Variants in DLGAP2 observed in about 807,000 individuals in gnomAD.
DLGAP2 encodes disks large-associated protein 2.
In DLGAP2, 26 loss-of-function variants were observed where a neutral mutation model predicts 100.3. The ratio of observed to expected loss-of-function variants is 0.26; its 90% CI spans 0.19 to 0.36. DLGAP2 has a LOEUF of 0.36. DLGAP2 is among the 10% of genes least tolerant of loss of function. The pLI is 1.00. For synonymous variants in DLGAP2, 886 were observed against 630.1 expected (o/e 1.41, Z -6.08); for missense variants, 1,858 against 1,453.2 (o/e 1.28, Z -4.53).
chr8:1,305,474 G>A (rs1047913441), intron 3 of DLGAP2, among the ~76,000 whole-genome samples: 1 of 152,148 alleles, frequency 6.6e-6, no homozygotes, highest in Non-Finnish European at 1.5e-5. Context: ...TGTCTGTAAG[G>A]TCTTTATTCA....
intron 4 of DLGAP2, among the ~76,000 whole-genome samples, chr8:1,505,988 A>G (rs1338613490): frequency 6.6e-6 from 1 of 152,242 alleles, no homozygotes; most frequent in African/African-American, 2.4e-5. Context: ...CATATTATAT[A>G]TGCAGCACAA....
intron 1 of DLGAP2, among the ~76,000 whole-genome samples, chr8:887,281 G>A (rs182334783): frequency 6.7e-4 from 102 of 152,008 alleles, no homozygotes; most frequent in African/African-American, 2.3e-3. Flanking sequence ...ATGTAAGATG[G>A]GTCTCCTGAA....
chr8:806,423 C>A (rs1361842107), intron 1 of DLGAP2, among the ~76,000 whole-genome samples: 3 of 152,180 alleles, frequency 2.0e-5, no homozygotes, highest in Admixed American at 1.3e-4. Context: ...GGACTGGTCA[C>A]CGCGGCCAGG....
At chr8:1,091,769 C>T (rs1034481711) in intron 2 of DLGAP2, among the ~76,000 whole-genome samples, 2 of 152,212 alleles carry the variant, frequency 1.3e-5, no homozygotes, top group African/African-American at 4.8e-5. Context: ...TGAGTCTCCT[C>T]CATGGCCCCC....
intron 4 of DLGAP2, among the ~76,000 whole-genome samples, chr8:1,520,250 G>T (rs1800545936): frequency 6.6e-6 from 1 of 152,158 alleles, no homozygotes; most frequent in East Asian, 1.9e-4. Context: ...GGAGCTCATG[G>T]TTCACAGAGG....
chr8:1,667,740 C>T (rs1355840335), intron 8 of DLGAP2, among the ~76,000 whole-genome samples: 1 of 152,234 alleles, frequency 6.6e-6, no homozygotes, highest in East Asian at 1.9e-4. Context: ...AGTTTAGCAT[C>T]CGGCGTGCTT....
At chr8:1,593,457 A>AAAT (rs908343140) in intron 6 of DLGAP2, among the ~76,000 whole-genome samples, 4 of 151,816 alleles carry the variant, frequency 2.6e-5, no homozygotes, top group Admixed American at 1.3e-4. Flanking sequence ...TCCGTCTCAA[A>AAAT]AATAATAATA....
intron 1 of DLGAP2, among the ~76,000 whole-genome samples, chr8:747,306 G>T (rs55829777): frequency 0.14 from 20,789 of 152,030 alleles, 1,800 homozygotes; most frequent in East Asian, 0.32. Context: ...AGACAGGGAA[G>T]GAGAAACCTC....
At chr8:1,447,782 C>G (rs1798022373) in intron 3 of DLGAP2, among the ~76,000 whole-genome samples, 1 of 152,170 alleles carries the variant, frequency 6.6e-6, no homozygotes, top group South Asian at 2.1e-4. Flanking sequence ...CTGGTCTATT[C>G]AGAGAGTCAA....
intron 2 of DLGAP2, among the ~76,000 whole-genome samples, chr8:1,001,465 G>T (rs1233603937): frequency 2.0e-5 from 3 of 152,054 alleles, no homozygotes; most frequent in South Asian, 2.1e-4. Context: ...ATGTTTTTGT[G>T]TCCTGATACT....
At chr8:1,301,998 G>A (rs201763219) in intron 3 of DLGAP2, 26 of 149,282 alleles carry the variant, frequency 1.7e-4, no homozygotes, top group African/African-American at 5.2e-4. Context: ...GTCAGGTGTC[G>A]TGATGAATTA....
chr8:1,513,361 T>G (rs1184946767), intron 4 of DLGAP2, among the ~76,000 whole-genome samples: 6 of 151,538 alleles, frequency 4.0e-5, no homozygotes, highest in South Asian at 2.1e-4. Context: ...CTCGGTGGGA[T>G]ACGCTACTGC....
chr8:1,503,791 G>T (rs1213234418), intron 4 of DLGAP2, among the ~76,000 whole-genome samples: 1 of 152,144 alleles, frequency 6.6e-6, no homozygotes, highest in Non-Finnish European at 1.5e-5. Flanking sequence ...GATGTTAGAA[G>T]CTCTGGAAAG....
chr8:738,849 G>A (rs957072002), intron 1 of DLGAP2: 1 of 152,574 alleles, frequency 6.6e-6, no homozygotes, highest in Non-Finnish European at 1.5e-5. Context: ...CGAGAAGGCG[G>A]AGCCCCCGGA....
intron 3 of DLGAP2, among the ~76,000 whole-genome samples, chr8:1,376,320 C>T (rs1397704816): frequency 1.3e-5 from 2 of 152,238 alleles, no homozygotes; most frequent in Non-Finnish European, 2.9e-5. Context: ...CTTCTCACTC[C>T]ATCAGCCAGC....
At chr8:1,458,109 T>C (rs149839572) in intron 3 of DLGAP2, among the ~76,000 whole-genome samples, 2 of 150,754 alleles carry the variant, frequency 1.3e-5, no homozygotes, top group East Asian at 3.9e-4. Flanking sequence ...GGTTTCACCA[T>C]GTTGGCCAGG....
chr8:1,022,037 G>A (rs2129024797), intron 2 of DLGAP2, among the ~76,000 whole-genome samples: 1 of 152,312 alleles, frequency 6.6e-6, no homozygotes, highest in African/African-American at 2.4e-5. Context: ...AAAGGGGTGA[G>A]TTGTACAAAG....
chr8:1,030,406 C>G (rs1002840114), intron 2 of DLGAP2, among the ~76,000 whole-genome samples: 3 of 152,092 alleles, frequency 2.0e-5, no homozygotes, highest in Non-Finnish European at 4.4e-5. Flanking sequence ...CTTTGAAGCT[C>G]CAAGGCCAGC....
intron 1 of DLGAP2, among the ~76,000 whole-genome samples, chr8:752,864 A>C (rs1266427723): frequency 6.6e-6 from 1 of 152,096 alleles, no homozygotes; most frequent in Non-Finnish European, 1.5e-5. Flanking sequence ...CCCTCCAAGA[A>C]GGCGACCTCT....
Sources: gnomAD v4.1 joint callset for allele counts (sites outside exome capture counted in the v4.1 genomes callset) on GRCh38, gnomAD v4.1.1 for gene constraint, MANE v1.5 for transcripts, NCBI Gene and HGNC (gene_info 2026-07-23, HGNC 2026-07-21) for gene names.